The following CFDP1 variants were observed in gnomAD, a reference collection of about 807,000 sequenced individuals.
CFDP1 encodes the protein heterochromatin-stabilizing protein CFDP1.
A neutral mutation model predicts 40.1 loss-of-function variants in CFDP1; 31 were observed. The ratio of observed to expected loss-of-function variants is 0.77; its 90% CI spans 0.58 to 1.04. CFDP1 has a LOEUF of 1.04. Ranked by LOEUF, CFDP1 falls within the 50% of genes least tolerant of loss-of-function variation. The pLI, the probability that CFDP1 is intolerant of heterozygous loss-of-function variation, is 0.00. For missense variants in CFDP1, 423 were observed against 343.4 expected, an observed-to-expected ratio of 1.23 and a Z score of -1.83; for synonymous variants, 167 against 120.0, an observed-to-expected ratio of 1.39 and a Z score of -2.56.
chr16:75,350,279 A>G (rs986729588), intron 5 of CFDP1, among the ~76,000 whole-genome samples: 7 of 152,164 alleles, frequency 4.6e-5, no homozygotes, highest in Admixed American at 2.6e-4. Flanking sequence ...GGTTGTATAC[A>G]GCTCTATGTT....
chr16:75,364,880 T>C (rs2078703578), intron 5 of CFDP1, among the ~76,000 whole-genome samples: 2 of 37,802 alleles, frequency 5.3e-5, no homozygotes, highest in African/African-American at 1.1e-4. Context: ...ACCAAAGAGT[T>C]TGAGAACCAC....
intron 6 of CFDP1, among the ~76,000 whole-genome samples, chr16:75,294,693 G>T (rs1010630): frequency 0.5 from 75,824 of 151,812 alleles, 20,476 homozygotes; most frequent in Admixed American, 0.66. Flanking sequence ...CCCTGTTTGC[G>T]TCTAGGTTGC....
intron 5 of CFDP1, among the ~76,000 whole-genome samples, chr16:75,315,331 C>CAAAAAAAAA (rs758174791): frequency 1.7e-4 from 8 of 47,800 alleles, no homozygotes; most frequent in East Asian, 9.9e-4. Context: ...GACCCTATCT[C>CAAAAAAAAA]AAAAAAAAAA....
chr16:75,376,538 A>G (rs2078798429), intron 5 of CFDP1, among the ~76,000 whole-genome samples: 1 of 152,228 alleles, frequency 6.6e-6, no homozygotes, highest in Non-Finnish European at 1.5e-5. Flanking sequence ...GAAAAGCAAA[A>G]CTAATCTATC....
chr16:75,303,410 T>TGTATGTATGTATGTAC (rs1316749587), intron 6 of CFDP1, among the ~76,000 whole-genome samples: 9 of 151,506 alleles, frequency 5.9e-5, no homozygotes, highest in Non-Finnish European at 1.2e-4. Flanking sequence ...AATGTATGTA[T>TGTATGTATGTATGTAC]GTATGTATGT....
intron 5 of CFDP1, among the ~76,000 whole-genome samples, chr16:75,338,549 G>A (rs2078505833): frequency 6.6e-6 from 1 of 152,200 alleles, no homozygotes. Flanking sequence ...GAACTTCTGG[G>A]TGGCTGTTTC....
chr16:75,335,715 C>G (rs1488670291), intron 5 of CFDP1, among the ~76,000 whole-genome samples: 1 of 152,198 alleles, frequency 6.6e-6, no homozygotes, highest in South Asian at 2.1e-4. Context: ...CGCCACCATG[C>G]CCGGATAATT....
At chr16:75,376,989 G>A (rs1330018437) in intron 5 of CFDP1, among the ~76,000 whole-genome samples, 2 of 152,206 alleles carry the variant, frequency 1.3e-5, no homozygotes, top group African/African-American at 4.8e-5. Flanking sequence ...ATGCCTATGC[G>A]GTAACCCTGC....
intron 4 of CFDP1, among the ~76,000 whole-genome samples, chr16:75,399,642 G>T (rs1171758648): frequency 6.6e-6 from 1 of 151,988 alleles, no homozygotes; most frequent in Non-Finnish European, 1.5e-5. Context: ...GCCTCCCAGT[G>T]CTGGGATTAC....
chr16:75,365,777 G>A (rs920812256), intron 5 of CFDP1, among the ~76,000 whole-genome samples: 1 of 152,074 alleles, frequency 6.6e-6, no homozygotes, highest in Non-Finnish European at 1.5e-5. Flanking sequence ...TATACAAATA[G>A]CCAGTAAGTA....
At chr16:75,345,788 ATAAT>A (rs1022862629) in intron 5 of CFDP1, among the ~76,000 whole-genome samples, 23 of 152,250 alleles carry the variant, frequency 1.5e-4, no homozygotes, top group South Asian at 2.1e-4. Context: ...CATGAGGAAA[ATAAT>A]TAAGTAAACT....
chr16:75,429,495 A>T (rs1236684255), intron 1 of CFDP1, among the ~76,000 whole-genome samples: 1 of 152,180 alleles, frequency 6.6e-6, no homozygotes, highest in Non-Finnish European at 1.5e-5. Flanking sequence ...CTCTACTAAA[A>T]ATACAAAAAT....
At chr16:75,318,605 C>T (rs550699951) in intron 5 of CFDP1, among the ~76,000 whole-genome samples, 26 of 152,088 alleles carry the variant, frequency 1.7e-4, no homozygotes, top group South Asian at 6.2e-4. Context: ...TGGGTTTCAC[C>T]GTGTTAGCCA....
chr16:75,320,968 T>C (rs186834624), intron 5 of CFDP1, among the ~76,000 whole-genome samples: 4 of 152,318 alleles, frequency 2.6e-5, no homozygotes, highest in Admixed American at 2.6e-4. Flanking sequence ...CTATTTCTTA[T>C]TCTCAGCTAG....
intron 5 of CFDP1, among the ~76,000 whole-genome samples, chr16:75,387,691 G>C (rs1486279844): frequency 6.6e-6 from 1 of 152,172 alleles, no homozygotes; most frequent in Non-Finnish European, 1.5e-5. Context: ...CCACAATGTA[G>C]GATTCATACC....
chr16:75,309,241 G>A (rs1222069004), intron 5 of CFDP1, among the ~76,000 whole-genome samples: 1 of 152,124 alleles, frequency 6.6e-6, no homozygotes, highest in African/African-American at 2.4e-5. Flanking sequence ...TTTCAGCACA[G>A]CTTTCAGAAA....
intron 5 of CFDP1, among the ~76,000 whole-genome samples, chr16:75,377,766 A>G (rs2151544953): frequency 6.6e-6 from 1 of 152,332 alleles, no homozygotes; most frequent in South Asian, 2.1e-4. Context: ...GTGTTCTCAT[A>G]GGCAGTAAAA....
intron 1 of CFDP1, among the ~76,000 whole-genome samples, chr16:75,425,661 A>G (rs925573698): frequency 7.5e-6 from 1 of 133,058 alleles, no homozygotes; most frequent in Admixed American, 7.5e-5. Flanking sequence ...GATGCAAAAG[A>G]AAAAAAAAAA....
chr16:75,357,749 C>T (rs1207997386), intron 5 of CFDP1, among the ~76,000 whole-genome samples: 1 of 152,198 alleles, frequency 6.6e-6, no homozygotes, highest in East Asian at 1.9e-4. Flanking sequence ...TTCAGATCAG[C>T]AATAAAGCTA....
Sources: allele counts gnomAD v4.1 joint callset (sites outside exome capture counted in the v4.1 genomes callset), GRCh38; gene constraint gnomAD v4.1.1; transcripts MANE v1.5; gene names NCBI Gene and HGNC (gene_info 2026-07-23, HGNC 2026-07-21).